Variants in UNC13C observed in about 807,000 individuals in gnomAD.
UNC13C encodes the protein protein unc-13 homolog C.
A neutral mutation model predicts 245.4 loss-of-function variants in UNC13C; 174 were observed. That is an observed-to-expected ratio of 0.71 (90% CI 0.63 to 0.80). UNC13C has a LOEUF of 0.80. Among genes scored for constraint, UNC13C ranks in the 30% least tolerant of loss-of-function variants. UNC13C has a pLI of 0.00. For synonymous variants in UNC13C, 992 were observed against 895.1 expected, an observed-to-expected ratio of 1.11 and a Z score of -1.93; for missense variants, 2,829 against 2,602.9, an observed-to-expected ratio of 1.09 and a Z score of -1.89.
the UNC13C span, among the ~76,000 whole-genome samples, chr15:53,882,779 A>G: frequency 2.6e-5 from 4 of 152,172 alleles, no homozygotes; most frequent in African/African-American, 9.7e-5. Context: ...ACTAAGCATT[A>G]AATAGTTAAA....
At chr15:53,986,434 T>C (rs1260282504) in intron 1 of UNC13C, among the ~76,000 whole-genome samples, 3 of 152,110 alleles carry the variant, frequency 2.0e-5, no homozygotes, top group Non-Finnish European at 4.4e-5. Context: ...ATTCCACTTC[T>C]CTGTAACTCA....
intron 19 of UNC13C, among the ~76,000 whole-genome samples, chr15:54,421,739 A>G (rs1047601007): frequency 1.3e-5 from 2 of 152,082 alleles, no homozygotes; most frequent in Non-Finnish European, 2.9e-5. Flanking sequence ...GCAAGTAGAA[A>G]CTATCTTCTG....
chr15:54,269,774 T>C (rs1039704742), intron 10 of UNC13C, among the ~76,000 whole-genome samples: 4 of 152,156 alleles, frequency 2.6e-5, no homozygotes, highest in African/African-American at 9.7e-5. Context: ...AGTTTTCATA[T>C]AATTTTCCAT....
At chr15:54,407,786 G>A (rs1285511950) in intron 18 of UNC13C, among the ~76,000 whole-genome samples, 1 of 152,050 alleles carries the variant, frequency 6.6e-6, no homozygotes, top group Admixed American at 6.6e-5. Flanking sequence ...CATAAAATAT[G>A]AAGCCAATAA....
At chr15:54,266,044 C>G (rs2036542413) in intron 10 of UNC13C, among the ~76,000 whole-genome samples, 1 of 151,640 alleles carries the variant, frequency 6.6e-6, no homozygotes, top group Admixed American at 6.6e-5. Flanking sequence ...CTCAAAAGTT[C>G]TTTTTTTTAA....
the UNC13C span, among the ~76,000 whole-genome samples, chr15:53,915,285 T>A: frequency 6.6e-6 from 1 of 152,220 alleles, no homozygotes; most frequent in Admixed American, 6.5e-5. Flanking sequence ...GGAAGGAACT[T>A]GTATAGGTCA....
chr15:53,898,976 C>G, the UNC13C span, among the ~76,000 whole-genome samples: 1 of 151,982 alleles, frequency 6.6e-6, no homozygotes, highest in Admixed American at 6.6e-5. Flanking sequence ...CCAACTGTCC[C>G]CCACACCATG....
intron 17 of UNC13C, among the ~76,000 whole-genome samples, chr15:54,383,470 G>C (rs199868062): frequency 6.6e-6 from 1 of 151,872 alleles, no homozygotes; most frequent in Admixed American, 6.6e-5. Context: ...GGAAAATATC[G>C]TTCTTTTATA....
At chr15:54,412,135 G>T (rs1391490108) in intron 18 of UNC13C, among the ~76,000 whole-genome samples, 1 of 152,008 alleles carries the variant, frequency 6.6e-6, no homozygotes, top group Non-Finnish European at 1.5e-5. Flanking sequence ...GAACCCAGGA[G>T]GTGGAGGTTG....
At chr15:54,508,869 G>T (rs1008065498) in intron 23 of UNC13C, among the ~76,000 whole-genome samples, 1 of 152,056 alleles carries the variant, frequency 6.6e-6, no homozygotes, top group East Asian at 1.9e-4. Flanking sequence ...TGCAAATTGA[G>T]CTAGAAACAT....
chr15:54,245,405 A>G (rs554976415), intron 7 of UNC13C, among the ~76,000 whole-genome samples: 61 of 152,224 alleles, frequency 4.0e-4, no homozygotes, highest in African/African-American at 1.4e-3. Context: ...GACAATGTTA[A>G]TTTATATCTG....
intron 30 of UNC13C, among the ~76,000 whole-genome samples, chr15:54,612,823 A>G (rs1204576112): frequency 6.6e-6 from 1 of 151,962 alleles, no homozygotes; most frequent in African/African-American, 2.4e-5. Context: ...TTAGACTTTG[A>G]GATATTTATT....
chr15:54,465,864 G>A (rs566433614), intron 19 of UNC13C, among the ~76,000 whole-genome samples: 12 of 152,074 alleles, frequency 7.9e-5, no homozygotes, highest in South Asian at 4.1e-4. Flanking sequence ...GTTATTTTCC[G>A]CTAAAGCCTG....
chr15:54,335,213 G>A (rs143592739), intron 16 of UNC13C, among the ~76,000 whole-genome samples: 316 of 152,012 alleles, frequency 2.1e-3, no homozygotes, highest in Non-Finnish European at 3.5e-3. Flanking sequence ...CTCCTGAATT[G>A]CCAACTTTCC....
chr15:54,143,073 G>A (rs1007686740), intron 3 of UNC13C, 33 bp downstream of exon 3: 16 of 1,596,618 alleles, frequency 1.0e-5, no homozygotes, highest in Non-Finnish European at 1.4e-5. Context: ...CCCTCCTGAG[G>A]AATCTTGTCT....
chr15:54,384,734 AC>A (rs1191275738), intron 17 of UNC13C, among the ~76,000 whole-genome samples: 1 of 152,168 alleles, frequency 6.6e-6, no homozygotes, highest in Non-Finnish European at 1.5e-5. Flanking sequence ...ATCCTCTTGA[AC>A]TAAAGAAAAT....
the UNC13C span, among the ~76,000 whole-genome samples, chr15:53,910,024 C>T: frequency 7.0e-6 from 1 of 142,300 alleles, no homozygotes; most frequent in South Asian, 2.4e-4. Context: ...TGCCTTGGAG[C>T]CAATGTATTT....
intron 30 of UNC13C, among the ~76,000 whole-genome samples, chr15:54,611,865 T>C (rs1355826378): frequency 2.0e-5 from 3 of 152,148 alleles, no homozygotes; most frequent in East Asian, 1.9e-4. Context: ...TTTAATCTTA[T>C]TTTAAATGCT....
chr15:53,927,776 G>T, the UNC13C span, among the ~76,000 whole-genome samples: 1 of 152,176 alleles, frequency 6.6e-6, no homozygotes, highest in African/African-American at 2.4e-5. Flanking sequence ...GATCTGACTT[G>T]CAGATGTAAG....
Sources: gnomAD v4.1 joint callset for allele counts (sites outside exome capture counted in the v4.1 genomes callset) on GRCh38, gnomAD v4.1.1 for gene constraint, MANE v1.5 for transcripts, NCBI Gene and HGNC (gene_info 2026-07-23, HGNC 2026-07-21) for gene names.